C3orf38: variants seen among roughly 807,000 people sequenced by gnomAD.
C3orf38 encodes the protein uncharacterized protein C3orf38.
A neutral mutation model predicts 28.3 loss-of-function variants in C3orf38; 18 were observed. The observed-to-expected ratio is 0.64, with a 90% CI of 0.44 to 0.94. C3orf38 has a LOEUF of 0.94. C3orf38 is among the 40% of genes least tolerant of loss of function. The probability of loss-of-function intolerance (pLI) is 0.00; values close to 1 mark genes in which losing one functional copy is unlikely to be tolerated. For missense variants in C3orf38, 364 were observed against 396.4 expected, an observed-to-expected ratio of 0.92 and a Z score of 0.69; for synonymous variants, 145 against 138.1, an observed-to-expected ratio of 1.05 and a Z score of -0.35.
chr3:88,153,104 C>G, intron 1 of C3orf38, 126 bp from the exon 2 acceptor site: 1 of 886,338 alleles, frequency 1.1e-6, no homozygotes, highest in Non-Finnish European at 1.7e-6. Flanking sequence ...AAAATGATGA[C>G]TATCATGTAA....
intron 1 of C3orf38, among the ~76,000 whole-genome samples, chr3:88,152,153 C>T (rs1421341148): frequency 3.3e-5 from 5 of 152,140 alleles, no homozygotes; most frequent in African/African-American, 1.2e-4. Flanking sequence ...TGGTGGCTCA[C>T]GCCTGTAATC....
rs1383190292 is a variant in C3orf38 at position 88,156,009 on chromosome 3, T to G, written c.376-12T>G. On this transcript the variant is annotated splice_polypyrimidine_tract_variant and intron_variant, in intron 2 of 2. Coordinates refer to ENST00000318887, the MANE Select transcript of C3orf38 (RefSeq NM_173824.4). The stretch of plus-strand genomic sequence containing the variant: ...AGTGTTATTTTGTATTTATTTTATT[T>G]GTTTCAATCAGCAGGTGAAAGAAGA... The G allele has an allele frequency of 6.6e-7, 1 of 1,514,906 alleles. No individual in the cohort carries two copies. The highest frequency in any genetic ancestry group is 1.4e-5 in the African/African-American group (1 of 71,594). 93.8% of individuals were successfully genotyped at this position (1,514,906 alleles called of 1,614,324 possible).
rs775197127 is a variant in C3orf38 at position 88,156,403 on chromosome 3, T to G, written c.758T>G (p.Ile253Ser). 9 of 1,614,082 alleles carry G rather than the reference T, an allele frequency of 5.6e-6. No homozygotes were observed. Among genetic ancestry groups the G allele is most frequent in the South Asian group, 2.2e-5 (2 of 91,092 alleles). ...GNTCLGIFEQ[I>S]FGLIRCPFVE... Reference sequence around the variant, plus strand: ...ACTTGTTTGGGCATTTTTGAACAAATTTTTGGACTCATCCGCTGCCCTTTT... The same window carrying G: ...ACTTGTTTGGGCATTTTTGAACAAAGTTTTGGACTCATCCGCTGCCCTTTT... The change falls in exon 3 of 3, where the codon ATT becomes AGT. Residue 253 changes from isoleucine (I) to serine (S), a missense_variant. Physicochemically the swap from Ile to Ser is moderately radical, Grantham distance 142. Coordinates refer to ENST00000318887, the MANE Select transcript of C3orf38 (RefSeq NM_173824.4).
intron 1 of C3orf38, among the ~76,000 whole-genome samples, chr3:88,151,976 AATAGC>A (rs1286251449): frequency 6.6e-6 from 1 of 152,202 alleles, no homozygotes; most frequent in Non-Finnish European, 1.5e-5. Context: ...AATAAAGAGG[AATAGC>A]ATTAGGGAAG....
intron 2 of C3orf38, 110 bp downstream of exon 2, chr3:88,153,581 T>G: frequency 7.7e-7 from 1 of 1,300,188 alleles, no homozygotes; most frequent in Non-Finnish European, 1.0e-6. Context: ...GTTTTTTTAT[T>G]TTTATTTTTT....
intron 2 of C3orf38, 143 bp downstream of exon 2, chr3:88,153,614 C>A: frequency 2.0e-6 from 2 of 1,016,428 alleles, no homozygotes; most frequent in Non-Finnish European, 2.8e-6. Flanking sequence ...CTCTGTTGCC[C>A]AGGCTGGAGT....
chr3:88,154,081 C>T (rs1707450364), intron 2 of C3orf38, among the ~76,000 whole-genome samples: 1 of 152,052 alleles, frequency 6.6e-6, no homozygotes, highest in African/African-American at 2.4e-5. Flanking sequence ...TTAATTTTAA[C>T]TTTAGCTCCG....
rs1707481633 is a variant in C3orf38, at chr3:88,156,489, G to A, written c.844G>A (p.Ala282Thr). 6.2e-7 allele frequency: 1 copy of A among 1,613,990 alleles called. No individual in the cohort carries two copies. The highest frequency in any genetic ancestry group is 1.3e-5 in the African/African-American group (1 of 74,884). Residue 282 changes from alanine (A) to threonine (T), a missense_variant, in exon 3 of 3, where the codon GCT (alanine) becomes ACT (threonine). By Grantham distance (58) the Ala-to-Thr change is moderately conservative. Transcript: ENST00000318887. The stretch of plus-strand genomic sequence containing the variant: ...GAAAATTATGGGAGAGAGTTCCCTT[G>A]CTCCTGGAACATTACCGAAACCATC... ...NLKIMGESSL[A>T]PGTLPKPSVK... is the part of the protein sequence containing the mutation.
chr3:88,155,499 C>T (rs1373450174), intron 2 of C3orf38, among the ~76,000 whole-genome samples: 26 of 148,120 alleles, frequency 1.8e-4, no homozygotes, highest in African/African-American at 3.5e-4. Flanking sequence ...CGCTCTGTTG[C>T]GCGGGCTGGA....
chr3:88,154,093 G>A (rs1180852469), intron 2 of C3orf38, among the ~76,000 whole-genome samples: 1 of 152,046 alleles, frequency 6.6e-6, no homozygotes, highest in Non-Finnish European at 1.5e-5. Context: ...TTAGCTCCGT[G>A]TAATTTTTTT....
intron 2 of C3orf38, among the ~76,000 whole-genome samples, chr3:88,155,138 G>C (rs1426762558): frequency 6.6e-6 from 1 of 152,060 alleles, no homozygotes; most frequent in Non-Finnish European, 1.5e-5. Flanking sequence ...GGGATTACAG[G>C]CATGAACCAC....
chr3:88,153,315 G>C lies in C3orf38; in HGVS notation c.219G>C (p.Lys73Asn). 6.2e-7 allele frequency: 1 copy of C among 1,613,900 alleles called. No individual in the cohort carries two copies. The highest frequency in any genetic ancestry group is 8.5e-7 in the Non-Finnish European group (1 of 1,180,010). ...RRKVHREVIF[K>N]YLATQGIVIP... Reference sequence around the variant, plus strand: ...AAGTCCACCGAGAAGTTATATTTAAGTACTTGGCAACACAGGGGATTGTTA... The same window carrying C: ...AAGTCCACCGAGAAGTTATATTTAACTACTTGGCAACACAGGGGATTGTTA... Residue 73 changes from lysine (K) to asparagine (N), a missense_variant, in exon 2 of 3, where the codon AAG becomes AAC. Physicochemically the swap from Lys to Asn is moderately conservative, Grantham distance 94. Transcript: ENST00000318887.
chr3:88,153,540 T>G (rs1322333280), intron 2 of C3orf38, 69 bp downstream of exon 2: 1 of 1,529,604 alleles, frequency 6.5e-7, no homozygotes, highest in Non-Finnish European at 8.9e-7. Context: ...AATCCTAGAT[T>G]GTGGGGAACA....
intron 2 of C3orf38, among the ~76,000 whole-genome samples, chr3:88,153,731 C>T (rs1048840262): frequency 6.6e-6 from 1 of 152,052 alleles, no homozygotes; most frequent in African/African-American, 2.4e-5. Context: ...ACCACCATGC[C>T]TGGCTAATTT....
chr3:88,157,566 A>G lies in C3orf38; in HGVS notation c.*931A>G, dbSNP rs1255767827. ...ATGTATAATGTGTGTATACACATAT[A>G]CATAAGTATACATATACTCCCACAT... On this transcript the variant is annotated 3_prime_UTR_variant, in exon 3 of 3. Coordinates refer to ENST00000318887, the MANE Select transcript of C3orf38 (RefSeq NM_173824.4). 1.3e-5 allele frequency: 2 copies of G among 152,240 alleles called. No individual in the cohort carries two copies. The highest frequency in any genetic ancestry group is 2.4e-5 in the African/African-American group (1 of 41,468). 9.4% of individuals were successfully genotyped at this position (152,240 alleles called of 1,614,324 possible).
intron 2 of C3orf38, among the ~76,000 whole-genome samples, chr3:88,154,814 A>G (rs1263172012): frequency 6.6e-6 from 1 of 152,150 alleles, no homozygotes. Flanking sequence ...GTTGTGGAAC[A>G]CATGGATGAA....
rs1051260584 is a variant in C3orf38 at position 88,150,282 on chromosome 3, G to C, written c.133+97G>C. 3 of 1,428,184 alleles carry C rather than the reference G, an allele frequency of 2.1e-6. No individual in the cohort carries two copies. In the African/African-American group the frequency reaches 4.2e-5, roughly 20 times the overall value. 88.5% of individuals were successfully genotyped at this position (1,428,184 alleles called of 1,614,324 possible). ...ATCCTCGGGAATGTTGGCCGCAGCC[G>C]CAGATCCACAGCTCTGGAACCACTA... On this transcript the variant is annotated intron_variant, in intron 1 of 2. Transcript: ENST00000318887.
intron 2 of C3orf38, among the ~76,000 whole-genome samples, chr3:88,154,942 C>T (rs997987496): frequency 1.3e-5 from 2 of 151,994 alleles, no homozygotes; most frequent in Non-Finnish European, 2.9e-5. Flanking sequence ...TCACTGCAGC[C>T]TCCACCCTCT....
In C3orf38 at chr3:88,150,171, C is replaced by A. The variant is rs1263660908; in HGVS notation, c.119C>A (p.Pro40His). The change falls in exon 1 of 3, where the codon CCT becomes CAT. Residue 40 changes from proline to histidine, a missense_variant. Physicochemically the swap from Pro to His is moderately conservative, Grantham distance 77 (BLOSUM62 -2). Transcript: ENST00000318887. Reference protein sequence around the residue: ...CDTVTNRLVQPQDRQDAVHAI... With the variant: ...CDTVTNRLVQHQDRQDAVHAI... Reference sequence around the variant, plus strand: ...ACTGTCACCAACCGCCTGGTGCAGCCTCAGGACCGCCAAGGTAAGGGCGGA... The same window carrying A: ...ACTGTCACCAACCGCCTGGTGCAGCATCAGGACCGCCAAGGTAAGGGCGGA... 6.2e-7 allele frequency: 1 copy of A among 1,614,110 alleles called. No homozygotes were observed. Among genetic ancestry groups the A allele is most frequent in the Non-Finnish European group, 8.5e-7 (1 of 1,180,028 alleles).
Sources: gnomAD v4.1 joint callset for allele counts (sites outside exome capture counted in the v4.1 genomes callset) on GRCh38, gnomAD v4.1.1 for gene constraint, MANE v1.5 for transcripts, NCBI Gene and HGNC (gene_info 2026-07-23, HGNC 2026-07-21) for gene names.